Variants in PPHLN1 observed in about 807,000 individuals in gnomAD.
PPHLN1 encodes periphilin 1.
A neutral mutation model predicts 51.3 loss-of-function variants in PPHLN1; 29 were observed. The observed-to-expected ratio is 0.57, with a 90% CI of 0.42 to 0.77. The LOEUF (loss-of-function observed/expected upper bound fraction) is 0.77, where lower values mean the gene tolerates loss of function less well. Among genes scored for constraint, PPHLN1 ranks in the 30% least tolerant of loss-of-function variants. The pLI is 0.00. For missense variants in PPHLN1, 436 were observed against 438.4 expected, an observed-to-expected ratio of 0.99 and a Z score of 0.05; for synonymous variants, 147 against 147.8, an observed-to-expected ratio of 0.99 and a Z score of 0.04.
intron 4 of PPHLN1, among the ~76,000 whole-genome samples, chr12:42,364,396 G>A (rs1203249565): frequency 1.3e-5 from 2 of 152,108 alleles, no homozygotes; most frequent in African/African-American, 4.8e-5. Flanking sequence ...TTGGGAGGCT[G>A]AAGTGGGAGG....
intron 4 of PPHLN1, among the ~76,000 whole-genome samples, chr12:42,362,366 A>C (rs1442143821): frequency 6.6e-6 from 1 of 152,112 alleles, no homozygotes; most frequent in Non-Finnish European, 1.5e-5. Context: ...TGCACATTTT[A>C]AATTTTGATG....
intron 3 of PPHLN1, among the ~76,000 whole-genome samples, chr12:42,353,844 A>G (rs1455626541): frequency 6.6e-6 from 1 of 152,190 alleles, no homozygotes; most frequent in African/African-American, 2.4e-5. Flanking sequence ...AACTTGTAGC[A>G]TAATAAAGCT....
At chr12:42,352,088 A>G (rs954130051) in intron 3 of PPHLN1, 39 bp downstream of exon 3, 10 of 1,371,094 alleles carry the variant, frequency 7.3e-6, no homozygotes, top group Non-Finnish European at 8.5e-6. Flanking sequence ...GTTATTTCTT[A>G]TAAGTTTAAA....
At chr12:42,360,079 C>T (rs113060804) in intron 4 of PPHLN1, among the ~76,000 whole-genome samples, 9,788 of 145,186 alleles carry the variant, frequency 0.067, 359 homozygotes, top group Admixed American at 0.085. Context: ...TGCACTCCAT[C>T]CAGCCTGGGT....
At chr12:42,359,662 A>G (rs2074409527) in intron 4 of PPHLN1, 1 of 152,236 alleles carries the variant, frequency 6.6e-6, no homozygotes, top group Non-Finnish European at 1.5e-5. Context: ...TTGTTGTAGA[A>G]AAAGATTTAA....
chr12:42,414,122 C>T (rs983937569), intron 9 of PPHLN1, among the ~76,000 whole-genome samples: 3 of 152,010 alleles, frequency 2.0e-5, no homozygotes, highest in Non-Finnish European at 2.9e-5. Context: ...CTGCAATCTC[C>T]GCCTCCCTGG....
chr12:42,355,749 TAAAAAAAAAA>T (rs5797790), intron 4 of PPHLN1: 6 of 109,856 alleles, frequency 5.5e-5, no homozygotes, highest in African/African-American at 2.2e-4. Flanking sequence ...AGACTCCGTC[TAAAAAAAAAA>T]AAAAAAAAGA....
chr12:42,401,642 G>T (rs1381415684), intron 9 of PPHLN1, among the ~76,000 whole-genome samples: 1 of 152,140 alleles, frequency 6.6e-6, no homozygotes, highest in Non-Finnish European at 1.5e-5. Context: ...GATCTAGGTT[G>T]TGTGCCCTCT....
At chr12:42,334,694 T>G (rs1211872592) in intron 1 of PPHLN1, among the ~76,000 whole-genome samples, 2 of 152,234 alleles carry the variant, frequency 1.3e-5, no homozygotes, top group Non-Finnish European at 2.9e-5. Context: ...ACTAACTTAC[T>G]ACCTGGACCA....
chr12:42,415,252 A>G (rs2080267380), intron 9 of PPHLN1, among the ~76,000 whole-genome samples: 1 of 152,208 alleles, frequency 6.6e-6, no homozygotes, highest in African/African-American at 2.4e-5. Flanking sequence ...GCTCACTGCA[A>G]CCTCTGCCTC....
Position 42,335,922 on chromosome 12 carries a change from A to G in PPHLN1, c.20A>G (p.Tyr7Cys), listed in dbSNP as rs1331819277. Residue 7 changes from tyrosine (Y) to cysteine (C), a missense_variant, in exon 2 of 10, where the codon TAT (tyrosine) becomes TGT (cysteine). Tyr to Cys is a radical substitution (Grantham distance 194). Transcript: ENST00000358314. MWSEGR[Y>C]EYERIPRERA... The stretch of plus-strand genomic sequence containing the variant: ...GACGAAATGTGGTCTGAGGGACGAT[A>G]TGAATATGAAAGAATTCCGAGAGAA... The G allele has an allele frequency of 1.3e-6, 2 of 1,586,882 alleles. No homozygotes were observed.
downstream of PPHLN1, chr12:42,446,822 C>G: frequency 1.9e-6 from 1 of 521,946 alleles, no homozygotes; most frequent in Non-Finnish European, 3.2e-6. Context: ...AATTAATTCT[C>G]TTACCCTGAG....
intron 1 of PPHLN1, among the ~76,000 whole-genome samples, chr12:42,330,300 C>A (rs1461946372): frequency 6.6e-6 from 1 of 152,182 alleles, no homozygotes; most frequent in Non-Finnish European, 1.5e-5. Context: ...CTTCCTCTTA[C>A]CTCAACCGCA....
intron 9 of PPHLN1, among the ~76,000 whole-genome samples, chr12:42,428,827 T>C (rs2081759995): frequency 6.6e-6 from 1 of 151,776 alleles, no homozygotes. Flanking sequence ...CTTCTTTTTT[T>C]TTTTTTTTTT....
At chr12:42,332,704 TAAGTA>T (rs2069950301) in intron 1 of PPHLN1, 1 of 1,503,058 alleles carries the variant, frequency 6.7e-7, no homozygotes, top group East Asian at 2.3e-5. Flanking sequence ...AGGACTCAAG[TAAGTA>T]TAGTATAGTA....
intron 2 of PPHLN1, among the ~76,000 whole-genome samples, chr12:42,341,771 G>A (rs956140281): frequency 6.6e-6 from 1 of 152,058 alleles, no homozygotes. Flanking sequence ...ATAGGCACCT[G>A]CCACCACGCC....
At chr12:42,330,207 C>T (rs969362370) in intron 1 of PPHLN1, among the ~76,000 whole-genome samples, 1 of 152,226 alleles carries the variant, frequency 6.6e-6, no homozygotes, top group South Asian at 2.1e-4. Flanking sequence ...GGGTGGTTTT[C>T]TCCTATCTCA....
At chr12:42,389,333 A>G (rs1419486268) in intron 7 of PPHLN1, among the ~76,000 whole-genome samples, 1 of 152,096 alleles carries the variant, frequency 6.6e-6, no homozygotes, top group Admixed American at 6.5e-5. Context: ...AGATCACGCC[A>G]CTGCACTCCA....
At chr12:42,396,676 G>A (rs545269420) in intron 8 of PPHLN1, among the ~76,000 whole-genome samples, 4 of 136,466 alleles carry the variant, frequency 2.9e-5, no homozygotes, top group African/African-American at 1.1e-4. Flanking sequence ...CTTAGTCCCA[G>A]CTACTCAGGA....
Sources: gnomAD v4.1 joint callset for allele counts (sites outside exome capture counted in the v4.1 genomes callset) on GRCh38, gnomAD v4.1.1 for gene constraint, MANE v1.5 for transcripts, NCBI Gene and HGNC (gene_info 2026-07-23, HGNC 2026-07-21) for gene names.